EIF3B: variants seen among roughly 807,000 people sequenced by gnomAD.
The protein encoded by EIF3B is eukaryotic translation initiation factor 3 subunit B, also known as eukaryotic translation initiation factor 3 subunit 9.
Under a neutral mutation model 104.6 loss-of-function variants are expected in EIF3B, and 10 were observed. That is an observed-to-expected ratio of 0.10 (90% CI 0.06 to 0.16). EIF3B has a LOEUF of 0.16. Ranked by LOEUF, EIF3B falls within the 10% of genes least tolerant of loss-of-function variation. The probability of loss-of-function intolerance (pLI) is 1.00; values close to 1 mark genes in which losing one functional copy is unlikely to be tolerated. For synonymous variants in EIF3B, 542 were observed against 417.2 expected (o/e 1.30, Z -3.65); for missense variants, 1,014 against 1,087.9 (o/e 0.93, Z 0.96).
rs374070548 is a variant in EIF3B at position 2,360,765 on chromosome 7, G to A, written c.555G>A (p.Ser185=). The A allele has an allele frequency of 6.9e-6, 11 of 1,604,474 alleles. No individual in the cohort carries two copies. Among genetic ancestry groups the A allele is most frequent in the Middle Eastern group, 1.7e-4 (1 of 6,036 alleles). Residue 185 remains serine (S), a synonymous_variant, in exon 2 of 19, where the codon TCG becomes TCA. Coordinates refer to ENST00000360876, the MANE Select transcript of EIF3B (RefSeq NM_001037283.2). ...DRPQEADGID[S]VIVVDNVPQV... The stretch of plus-strand genomic sequence containing the variant: ...CCCAGGAAGCAGATGGAATCGATTC[G>A]GTGATTGTAGTGGACAATGTCCCTC...
chr7:2,354,252 C>T (rs1779257997), upstream of EIF3B: 1 of 152,256 alleles, frequency 6.6e-6, no homozygotes, highest in Non-Finnish European at 1.5e-5. Flanking sequence ...AGTCGTCCTT[C>T]TAGTCGTGTG....
rs1478852216 is a variant in EIF3B, at chr7:2,379,778, G to A, written c.*14+267G>A. ...TGTGGCCAGGTGTTGGGAAGTGCCA[G>A]GAAGAGGAGGGTGGCCATGCCTGGC... is the stretch of plus-strand genomic sequence containing the variant. On this transcript the variant is annotated intron_variant, in intron 18 of 18. Coordinates refer to ENST00000360876, the MANE Select transcript of EIF3B (RefSeq NM_001037283.2). The A allele has an allele frequency of 1.1e-5, 5 of 456,192 alleles. No homozygotes were observed. The Admixed American group carries it at 1.9e-4, about 17-fold the overall frequency. 28.3% of individuals were successfully genotyped at this position (456,192 alleles called of 1,614,324 possible). A position where few individuals can be genotyped will look rare whatever the true frequency, so the allele number is the denominator to read the frequency against.
chr7:2,370,136 T>G (rs1780248020), intron 10 of EIF3B, among the ~76,000 whole-genome samples: 1 of 152,186 alleles, frequency 6.6e-6, no homozygotes, highest in Non-Finnish European at 1.5e-5. Flanking sequence ...ATTTTTTTAT[T>G]TTTTTATTTT....
intron 4 of EIF3B, 144 bp downstream of exon 4, chr7:2,363,271 A>C: frequency 1.3e-6 from 1 of 792,382 alleles, no homozygotes. Flanking sequence ...TGGGCAACAA[A>C]GTGAGACCCC....
intron 10 of EIF3B, 77 bp from the exon 11 acceptor site, chr7:2,371,700 C>G: frequency 8.7e-7 from 1 of 1,144,400 alleles, no homozygotes. Flanking sequence ...TTCATTGTGA[C>G]GTTGATCTTT....
In EIF3B at chr7:2,355,249, G is replaced by A; in HGVS notation, c.328G>A (p.Glu110Lys). Residue 110 changes from glutamate (E) to lysine (K), a missense_variant, in exon 1 of 19, where the codon GAG becomes AAG. Transcript: ENST00000360876. ...CCCGGCACAGGGCGAGGCCCCAGGA[G>A]AGCAGGCTCGGGACGAGCGCTCCGA... ...PVPAQGEAPGEQARDERSDSR... is the reference protein window; with the variant it reads ...PVPAQGEAPGKQARDERSDSR... 6.5e-7 allele frequency: 1 copy of A among 1,526,846 alleles called. No homozygotes were observed. Among genetic ancestry groups the A allele is most frequent in the African/African-American group, 1.4e-5 (1 of 71,646 alleles). 94.6% of individuals were successfully genotyped at this position (1,526,846 alleles called of 1,614,324 possible). A position where few individuals can be genotyped will look rare whatever the true frequency, so the allele number is the denominator to read the frequency against.
At position 2,355,376 on chromosome 7, in the gene EIF3B, C is replaced by A; in HGVS notation, c.455C>A (p.Ser152Tyr). 6.5e-7 allele frequency: 1 copy of A among 1,531,288 alleles called. No homozygotes were observed. Among genetic ancestry groups the A allele is most frequent in the African/African-American group, 1.4e-5 (1 of 72,590 alleles). 94.9% of individuals were successfully genotyped at this position (1,531,288 alleles called of 1,614,324 possible). A position where few individuals can be genotyped will look rare whatever the true frequency, so the allele number is the denominator to read the frequency against. Reference protein sequence around the residue: ...ALENGDADEPSFSDPEDFVDD... With the variant: ...ALENGDADEPYFSDPEDFVDD... ...GAGAACGGCGACGCGGACGAGCCCT[C>A]CTTCAGCGACCCCGAGGACTTCGTG... Residue 152 changes from serine (S) to tyrosine (Y), a missense_variant, in exon 1 of 19, where the codon TCC becomes TAC. By Grantham distance (144) the Ser-to-Tyr change is moderately radical. This residue lies in a region of EIF3B where 488 missense variants were observed against 404.3 expected (regional missense o/e 1.21). Coordinates refer to ENST00000360876, the MANE Select transcript of EIF3B (RefSeq NM_001037283.2).
chr7:2,369,295 A>G (rs1054273438), intron 9 of EIF3B, among the ~76,000 whole-genome samples, 177 bp from the exon 10 acceptor site: 1 of 152,218 alleles, frequency 6.6e-6, no homozygotes, highest in Non-Finnish European at 1.5e-5. Context: ...GGTCCTGGCG[A>G]GGACCTATGA....
At position 2,362,971 on chromosome 7, in the gene EIF3B, C is replaced by T. The variant is rs1051266937; in HGVS notation, c.813-99C>T. The T allele has an allele frequency of 1.2e-5, 18 of 1,483,978 alleles. No homozygotes were observed. In the East Asian group the frequency reaches 1.4e-4, roughly 11 times the overall value. 91.9% of individuals were successfully genotyped at this position (1,483,978 alleles called of 1,614,324 possible). A position where few individuals can be genotyped will look rare whatever the true frequency, so the allele number is the denominator to read the frequency against. On this transcript the variant is annotated intron_variant, in intron 3 of 18. Transcript: ENST00000360876. ...GTTATGCCAGTCACAGCCCTGGGGGCGGGCAGGCAGGAGCACAGCAGGGCC... is the reference window on the plus strand; with the variant it reads ...GTTATGCCAGTCACAGCCCTGGGGGTGGGCAGGCAGGAGCACAGCAGGGCC...
rs776755336 is a variant in EIF3B at position 2,366,462 on chromosome 7, T to A, written c.1289+14T>A. The A allele has an allele frequency of 6.2e-7, 1 of 1,613,902 alleles. No individual in the cohort carries two copies. Among genetic ancestry groups the A allele is most frequent in the Admixed American group, 1.7e-5 (1 of 59,968 alleles). On this transcript the variant is annotated intron_variant, in intron 7 of 18. Coordinates refer to ENST00000360876, the MANE Select transcript of EIF3B (RefSeq NM_001037283.2). ...GCCTATTTTTAAGTAAGTGGACCAT[T>A]GTAACGAGCTCTGTAGCCTTTGTCT...
intron 3 of EIF3B, 101 bp from the exon 4 acceptor site, chr7:2,362,969 G>A: frequency 6.7e-7 from 1 of 1,485,316 alleles, no homozygotes; most frequent in Non-Finnish European, 9.4e-7. Context: ...CAGCCCTGGG[G>A]GCGGGCAGGC....
At chr7:2,375,243 G>A (rs1402964692) in intron 13 of EIF3B, 146 bp from the exon 14 acceptor site, 4 of 903,794 alleles carry the variant, frequency 4.4e-6, no homozygotes, top group East Asian at 4.9e-5. Context: ...GTCTCACAGC[G>A]GCCACCAGAG....
At position 2,369,696 on chromosome 7, in the gene EIF3B, C is replaced by T. The variant is rs1780214386; in HGVS notation, c.1614+14C>T. On this transcript the variant is annotated intron_variant, in intron 10 of 18. Coordinates refer to ENST00000360876, the MANE Select transcript of EIF3B (RefSeq NM_001037283.2). ...AAAGGCACCCAGGTATGTAGATTCCCACAGGAACTGACGATTCCTTATCCT... is the reference window on the plus strand; with the variant it reads ...AAAGGCACCCAGGTATGTAGATTCCTACAGGAACTGACGATTCCTTATCCT... The T allele has an allele frequency of 6.2e-7, 1 of 1,611,584 alleles. No homozygotes were observed. The highest frequency in any genetic ancestry group is 8.5e-7 in the Non-Finnish European group (1 of 1,178,706).
In EIF3B at chr7:2,372,896, G is replaced by T. The variant is rs990886107; in HGVS notation, c.1810+101G>T. On this transcript the variant is annotated intron_variant, in intron 12 of 18. Coordinates refer to ENST00000360876, the MANE Select transcript of EIF3B (RefSeq NM_001037283.2). ...ATTTGACTGGCCTAGGACCACTGCT[G>T]GGCAGGCCGGGACTCGCCTATGAAT... is the stretch of plus-strand genomic sequence containing the variant. The T allele has an allele frequency of 2.9e-6, 4 of 1,357,210 alleles. No homozygotes were observed. In the African/African-American group the frequency reaches 5.8e-5, roughly 20 times the overall value. The allele number at this position is 1,357,210 out of a possible 1,614,324, so 84.1% of individuals were successfully genotyped here. A position where few individuals can be genotyped will look rare whatever the true frequency, so the allele number is the denominator to read the frequency against.
chr7:2,371,011 C>T (rs945619958), intron 10 of EIF3B, among the ~76,000 whole-genome samples: 3 of 151,996 alleles, frequency 2.0e-5, no homozygotes, highest in Admixed American at 6.6e-5. Flanking sequence ...TGCAGTGAGC[C>T]GAGATTGCAC....
At chr7:2,356,602 C>CA (rs558863981) in intron 1 of EIF3B, among the ~76,000 whole-genome samples, 31,328 of 89,910 alleles carry the variant, frequency 0.35, 4,302 homozygotes, top group South Asian at 0.42. Flanking sequence ...GACTCCGTCT[C>CA]AAAAAAAAAA....
chr7:2,375,124 A>C, intron 13 of EIF3B: 1 of 494,742 alleles, frequency 2.0e-6, no homozygotes, highest in Non-Finnish European at 3.7e-6. Context: ...CACACTTGCT[A>C]CTGTATTTTT....
At chr7:2,361,522 C>T (rs1377859642) in intron 2 of EIF3B, among the ~76,000 whole-genome samples, 2 of 152,010 alleles carry the variant, frequency 1.3e-5, no homozygotes, top group Non-Finnish European at 2.9e-5. Flanking sequence ...CAGGTTCACA[C>T]TATTCTCCCG....
rs764263027 is a variant in EIF3B, at chr7:2,354,891, C to G, written c.-31C>G. 6.0e-6 allele frequency: 7 copies of G among 1,165,124 alleles called. No individual in the cohort carries two copies. In the Admixed American group the frequency reaches 2.8e-4, roughly 47 times the overall value. 72.2% of individuals were successfully genotyped at this position (1,165,124 alleles called of 1,614,324 possible). On this transcript the variant is annotated 5_prime_UTR_variant, in exon 1 of 19. Transcript: ENST00000360876. ...GGGAGAGTCGGAAGCGCGGCGGCCG[C>G]GGAGCCCTGCGAGTAGGCAGCGTTG...
Sources: gnomAD v4.1 joint callset for allele counts (sites outside exome capture counted in the v4.1 genomes callset) on GRCh38, gnomAD v4.1.1 for gene constraint, gnomAD v4.1.1 regional missense constraint, MANE v1.5 for transcripts, NCBI Gene and HGNC (gene_info 2026-07-23, HGNC 2026-07-21) for gene names.